Variants in DZIP3 observed in about 807,000 individuals in gnomAD.
DZIP3 encodes the protein DAZ interacting zinc finger protein 3.
Under a neutral mutation model 162.0 loss-of-function variants are expected in DZIP3, and 118 were observed. The ratio of observed to expected loss-of-function variants is 0.73; its 90% CI spans 0.63 to 0.85. The LOEUF is 0.85. DZIP3 is among the 40% of genes least tolerant of loss of function. The probability of loss-of-function intolerance (pLI) is 0.00; values close to 1 mark genes in which losing one functional copy is unlikely to be tolerated. For missense variants in DZIP3, 1,331 were observed against 1,407.0 expected, an observed-to-expected ratio of 0.95 and a Z score of 0.86; for synonymous variants, 438 against 458.6, an observed-to-expected ratio of 0.96 and a Z score of 0.57.
intron 32 of DZIP3, chr3:108,691,203 T>C (rs1944681063): frequency 4.7e-6 from 1 of 211,034 alleles, no homozygotes; most frequent in Non-Finnish European, 9.5e-6. Context: ...TAAATTCTTA[T>C]TTCACTCATC....
At chr3:108,684,461 G>A in intron 27 of DZIP3, 120 bp downstream of exon 27, 1 of 1,260,362 alleles carries the variant, frequency 7.9e-7, no homozygotes, top group South Asian at 1.5e-5. Context: ...GGGTGGTGGT[G>A]ATAATTGAAT....
At chr3:108,635,881 G>C (rs1446833367) in intron 10 of DZIP3, among the ~76,000 whole-genome samples, 1 of 151,634 alleles carries the variant, frequency 6.6e-6, no homozygotes, top group East Asian at 1.9e-4. Flanking sequence ...TTGTGGTGTA[G>C]TAGAAAGTGT....
rs957019649 is a variant in DZIP3, at chr3:108,611,115, A to G, written c.103-59A>G. The G allele has an allele frequency of 2.0e-6, 3 of 1,467,014 alleles. No individual in the cohort carries two copies. The Admixed American group carries it at 7.5e-5, about 37-fold the overall frequency. 90.9% of individuals were successfully genotyped at this position (1,467,014 alleles called of 1,614,324 possible). On this transcript the variant is annotated intron_variant, in intron 3 of 32. Coordinates refer to ENST00000361582, the MANE Select transcript of DZIP3 (RefSeq NM_014648.4). ...TTTTAATGCTTTGGCTGATCTTAGA[A>G]TTAAGAGTGAATGAGAATATGCAAA... is the stretch of plus-strand genomic sequence containing the variant.
At chr3:108,609,839 G>A (rs774786945) in intron 3 of DZIP3, among the ~76,000 whole-genome samples, 3 of 152,044 alleles carry the variant, frequency 2.0e-5, no homozygotes, top group Non-Finnish European at 2.9e-5. Flanking sequence ...AGACGCTGTA[G>A]GCATGACACT....
At chr3:108,616,003 G>A (rs1331265398) in intron 4 of DZIP3, among the ~76,000 whole-genome samples, 2 of 152,070 alleles carry the variant, frequency 1.3e-5, no homozygotes, top group Admixed American at 6.5e-5. Context: ...AGTGGCTCAC[G>A]CCTGTAATCC....
rs779561184 is a variant in DZIP3, at chr3:108,624,546, C to T, written c.456+22C>T. On this transcript the variant is annotated intron_variant, in intron 6 of 32. Coordinates refer to ENST00000361582, the MANE Select transcript of DZIP3 (RefSeq NM_014648.4). ...AGAGGTATGTAACATGTTATTTGCC[C>T]TTTATAAATCTTTTTACATCTTGGA... The T allele has an allele frequency of 2.3e-6, 3 of 1,327,218 alleles. No individual in the cohort carries two copies. In the South Asian group the frequency reaches 4.3e-5, roughly 19 times the overall value. 82.2% of individuals were successfully genotyped at this position (1,327,218 alleles called of 1,614,324 possible). A position where few individuals can be genotyped will look rare whatever the true frequency, so the allele number is the denominator to read the frequency against.
At chr3:108,593,622 G>A (rs1267728156) in intron 1 of DZIP3, among the ~76,000 whole-genome samples, 1 of 150,058 alleles carries the variant, frequency 6.7e-6, no homozygotes. Context: ...CATTAAGCTT[G>A]ATAGCTTATT....
chr3:108,629,088 A>C lies in DZIP3; in HGVS notation c.608A>C (p.His203Pro). 6.2e-7 allele frequency: 1 copy of C among 1,602,874 alleles called. No individual in the cohort carries two copies. The highest frequency in any genetic ancestry group is 8.5e-7 in the Non-Finnish European group (1 of 1,176,368). The stretch of plus-strand genomic sequence containing the variant: ...TATAATGGAGGACTGCTAGAATTTC[A>C]TAAAAGCTTACAAGAAATTGGAGAC... ...KRYNGGLLEF[H>P]KSLQEIGDKN... Residue 203 changes from histidine to proline, a missense_variant, in exon 8 of 33, where the codon CAT becomes CCT. Physicochemically the swap from His to Pro is moderately conservative, Grantham distance 77 (BLOSUM62 -2). Transcript: ENST00000361582.
At chr3:108,666,131 G>A (rs749550400) in intron 21 of DZIP3, among the ~76,000 whole-genome samples, 30 of 151,924 alleles carry the variant, frequency 2.0e-4, no homozygotes, top group African/African-American at 3.1e-4. Context: ...ACACTATCTC[G>A]TGGAATTCAA....
At chr3:108,669,602 GC>G in intron 21 of DZIP3, 78 bp from the exon 22 acceptor site, 1 of 1,309,304 alleles carries the variant, frequency 7.6e-7, no homozygotes, top group Non-Finnish European at 1.1e-6. Flanking sequence ...CTCCTCCACA[GC>G]TGTAGTTAGA....
At chr3:108,660,977 A>G (rs1943400107) in intron 19 of DZIP3, among the ~76,000 whole-genome samples, 1 of 152,218 alleles carries the variant, frequency 6.6e-6, no homozygotes, top group Non-Finnish European at 1.5e-5. Context: ...TTAAAAAGTC[A>G]GGAAACAACA....
rs1944589573 is a variant in DZIP3 at position 108,688,861 on chromosome 3, T to C, written c.3453T>C (p.Cys1151=). Residue 1151 remains cysteine (C), a synonymous_variant, in exon 31 of 33, where the codon TGT becomes TGC. Coordinates refer to ENST00000361582, the MANE Select transcript of DZIP3 (RefSeq NM_014648.4). ...AAGAAGAAGAGCCTTGTGTGATCTG[T>C]CATGAGAATCTGTCTCCAGAAAATC... The part of the protein sequence containing the change: ...EEEEEEPCVI[C]HENLSPENLS... The C allele has an allele frequency of 6.2e-7, 1 of 1,614,104 alleles. No individual in the cohort carries two copies. The highest frequency in any genetic ancestry group is 1.1e-5 in the South Asian group (1 of 91,090).
At chr3:108,638,146 G>A (rs1942241455) in intron 12 of DZIP3, among the ~76,000 whole-genome samples, 1 of 152,032 alleles carries the variant, frequency 6.6e-6, no homozygotes, top group Admixed American at 6.6e-5. Context: ...TTTATATCTA[G>A]CACAAATCTC....
chr3:108,630,810 TTAAAA>T (rs983362745), intron 8 of DZIP3, among the ~76,000 whole-genome samples: 4 of 152,034 alleles, frequency 2.6e-5, no homozygotes, highest in African/African-American at 4.8e-5. Flanking sequence ...CTTTAAAGAC[TTAAAA>T]TAAGAGTTTC....
chr3:108,674,595 CT>C (rs887792639), intron 24 of DZIP3, among the ~76,000 whole-genome samples: 1 of 151,800 alleles, frequency 6.6e-6, no homozygotes, highest in Non-Finnish European at 1.5e-5. Flanking sequence ...AATTGGAAGA[CT>C]TTTTTTCTAA....
intron 21 of DZIP3, among the ~76,000 whole-genome samples, chr3:108,663,878 A>G (rs1943556082): frequency 6.6e-6 from 1 of 152,244 alleles, no homozygotes; most frequent in Non-Finnish European, 1.5e-5. Context: ...TGGAAGGCAC[A>G]TGTAGAAGAT....
chr3:108,633,151 A>G, intron 9 of DZIP3, 79 bp downstream of exon 9: 1 of 636,774 alleles, frequency 1.6e-6, no homozygotes, highest in Non-Finnish European at 2.1e-6. Context: ...AATAAAAATT[A>G]TATTATGTAT....
rs1466743724 is a variant in DZIP3 at position 108,694,266 on chromosome 3, A to T, written c.*913A>T. On this transcript the variant is annotated 3_prime_UTR_variant, in exon 33 of 33. Coordinates refer to ENST00000361582, the MANE Select transcript of DZIP3 (RefSeq NM_014648.4). ...TGGAACATGTGAGGGAAAAATATTT[A>T]AAAAAAGATGGCAGTCATCTAGACA... is the stretch of plus-strand genomic sequence containing the variant. The T allele has an allele frequency of 2.0e-5, 3 of 152,126 alleles. No homozygotes were observed. Among genetic ancestry groups the T allele is most frequent in the African/African-American group, 7.2e-5 (3 of 41,432 alleles). The allele number at this position is 152,126 out of a possible 1,614,324, so 9.4% of individuals were successfully genotyped here.
intron 26 of DZIP3, among the ~76,000 whole-genome samples, chr3:108,678,602 T>A (rs1378346302): frequency 6.6e-6 from 1 of 152,044 alleles, no homozygotes; most frequent in Non-Finnish European, 1.5e-5. Flanking sequence ...TGGATCTTAA[T>A]CAGATAAACT....
Sources: allele counts gnomAD v4.1 joint callset (sites outside exome capture counted in the v4.1 genomes callset), GRCh38; gene constraint gnomAD v4.1.1; transcripts MANE v1.5; gene names NCBI Gene and HGNC (gene_info 2026-07-23, HGNC 2026-07-21).